SFI1: variants seen among roughly 807,000 people sequenced by gnomAD.
SFI1 encodes protein SFI1 homolog.
Under a neutral mutation model 207.5 loss-of-function variants are expected in SFI1, and 195 were observed. The observed-to-expected ratio is 0.94, with a 90% CI of 0.84 to 1.06. The LOEUF (loss-of-function observed/expected upper bound fraction) is 1.06. Ranked by LOEUF, SFI1 falls within the 50% of genes least tolerant of loss-of-function variation. SFI1 has a pLI of 0.00. For synonymous variants in SFI1, 630 were observed against 598.9 expected (o/e 1.05, Z -0.76); for missense variants, 1,634 against 1,588.0 (o/e 1.03, Z -0.49).
intron 9 of SFI1, 31 bp from the exon 10 acceptor site, chr22:31,575,200 G>T (rs201968050): frequency 1.9e-6 from 3 of 1,580,452 alleles, no homozygotes; most frequent in Admixed American, 3.5e-5. Flanking sequence ...AACCTTAGGG[G>T]AGTAGCACTT....
chr22:31,503,895 T>C (rs1480334875), intron 1 of SFI1, among the ~76,000 whole-genome samples: 2 of 146,802 alleles, frequency 1.4e-5, no homozygotes, highest in African/African-American at 4.8e-5. Context: ...GGCCATGTTT[T>C]GTATTTGATT....
intron 5 of SFI1, among the ~76,000 whole-genome samples, chr22:31,548,890 AT>A (rs2060358559): frequency 1.3e-5 from 2 of 152,032 alleles, no homozygotes; most frequent in Admixed American, 1.3e-4. Flanking sequence ...AGGTCTTAAG[AT>A]GTATAGTGTA....
intron 4 of SFI1, among the ~76,000 whole-genome samples, chr22:31,532,567 G>C (rs1291504670): frequency 1.3e-5 from 2 of 152,070 alleles, no homozygotes; most frequent in African/African-American, 4.8e-5. Flanking sequence ...AATCTTTCCT[G>C]TTTCATTTTT....
chr22:31,545,068 T>TA (rs1175232749), intron 4 of SFI1, among the ~76,000 whole-genome samples: 3 of 151,928 alleles, frequency 2.0e-5, no homozygotes, highest in African/African-American at 4.8e-5. Flanking sequence ...CTTGGCTAAC[T>TA]AAAAAAATTT....
At position 31,614,709 on chromosome 22, in the gene SFI1, A is replaced by G. The variant is rs755467596; in HGVS notation, c.2997-80A>G. ...TCCTGACTTTCAGTCTCCCTATAAA[A>G]TTGGAGATCCCACAGAGATCTCAGA... On this transcript the variant is annotated intron_variant, in intron 27 of 32. Transcript: ENST00000400288. The G allele has an allele frequency of 1.0e-5, 15 of 1,505,724 alleles. No homozygotes were observed. The South Asian group carries it at 1.3e-4, about 13-fold the overall frequency. 93.3% of individuals were successfully genotyped at this position (1,505,724 alleles called of 1,614,324 possible). A position where few individuals can be genotyped will look rare whatever the true frequency, so the allele number is the denominator to read the frequency against.
chr22:31,568,213 TA>T (rs1909485122), intron 8 of SFI1, among the ~76,000 whole-genome samples: 1 of 136,082 alleles, frequency 7.3e-6, no homozygotes, highest in Admixed American at 7.5e-5. Context: ...TGTGTGTGTA[TA>T]TATATATATA....
chr22:31,504,861 A>C (rs1305300210), intron 1 of SFI1, among the ~76,000 whole-genome samples: 1 of 152,170 alleles, frequency 6.6e-6, no homozygotes, highest in Non-Finnish European at 1.5e-5. Flanking sequence ...TAAGAAAGAC[A>C]CAAATCGTGT....
chr22:31,550,179 A>C lies in SFI1; in HGVS notation c.450-75A>C, dbSNP rs925951838. ...CCTTGCCTTGGCCTCCCAAAGTGCT[A>C]GGGTTACAGGTGTGAGCCACCGCGC... is the stretch of plus-strand genomic sequence containing the variant. On this transcript the variant is annotated intron_variant, in intron 5 of 32. Coordinates refer to ENST00000400288, the MANE Select transcript of SFI1 (RefSeq NM_001007467.3). 4 of 1,117,542 alleles carry C rather than the reference A, an allele frequency of 3.6e-6. 1 individual carries two copies. In the East Asian group the frequency reaches 9.6e-5, roughly 27 times the overall value. 69.2% of individuals were successfully genotyped at this position (1,117,542 alleles called of 1,614,324 possible). A position where few individuals can be genotyped will look rare whatever the true frequency, so the allele number is the denominator to read the frequency against.
intron 7 of SFI1, among the ~76,000 whole-genome samples, chr22:31,560,763 G>T (rs949783256): frequency 6.7e-6 from 1 of 148,640 alleles, no homozygotes; most frequent in African/African-American, 2.5e-5. Flanking sequence ...GTGCAGTGGC[G>T]TGATCTCAGC....
chr22:31,551,983 C>G (rs188222863), intron 6 of SFI1, among the ~76,000 whole-genome samples: 3 of 152,258 alleles, frequency 2.0e-5, no homozygotes, highest in Middle Eastern at 3.4e-3. Flanking sequence ...AAATAGTGAA[C>G]GTTGTACATG....
At chr22:31,559,160 T>G (rs2061439049) in intron 7 of SFI1, among the ~76,000 whole-genome samples, 1 of 151,784 alleles carries the variant, frequency 6.6e-6, no homozygotes, top group South Asian at 2.1e-4. Flanking sequence ...CAGGGACTCA[T>G]GCCTGTAATC....
chr22:31,502,349 G>T (rs2053927805), intron 1 of SFI1, among the ~76,000 whole-genome samples: 1 of 151,864 alleles, frequency 6.6e-6, no homozygotes, highest in African/African-American at 2.4e-5. Context: ...CTTAGTTCTA[G>T]ATGAGGCTGG....
intron 2 of SFI1, among the ~76,000 whole-genome samples, chr22:31,524,493 G>C (rs1187892701): frequency 6.6e-6 from 1 of 151,756 alleles, no homozygotes; most frequent in Non-Finnish European, 1.5e-5. Flanking sequence ...TGGGATCTCA[G>C]CTCACTGCAA....
At chr22:31,587,251 C>A in intron 14 of SFI1, 1 of 277,510 alleles carries the variant, frequency 3.6e-6, no homozygotes, top group Non-Finnish European at 8.2e-6. Flanking sequence ...TATGAGTAAT[C>A]TAGAGATGCA....
rs1240746194 is a variant in SFI1 at position 31,593,987 on chromosome 22, C to T, written c.1544+4410C>T. ...GAGGGAGACCATGGGGAGACGGAGA[C>T]GAGGGAGAGGGAGAGGGACAGGGAG... On this transcript the variant is annotated intron_variant, in intron 15 of 32. Coordinates refer to ENST00000400288, the MANE Select transcript of SFI1 (RefSeq NM_001007467.3). Among the ~76,000 whole-genome samples, 35 of 53,252 alleles carry T rather than the reference C, an allele frequency of 6.6e-4. 2 individuals are homozygous for T. Among genetic ancestry groups the T allele is most frequent in the South Asian group, 1.8e-3 (3 of 1,658 alleles). The allele number at this position is 53,252 out of a possible 152,430, so 34.9% of individuals were successfully genotyped here.
chr22:31,600,025 TG>T (rs1321120625), intron 15 of SFI1, among the ~76,000 whole-genome samples: 1 of 151,576 alleles, frequency 6.6e-6, no homozygotes, highest in African/African-American at 2.4e-5. Context: ...CCCCAACCAG[TG>T]GTACTTTTTG....
intron 18 of SFI1, among the ~76,000 whole-genome samples, chr22:31,604,091 T>C (rs2068556409): frequency 6.6e-6 from 1 of 152,216 alleles, no homozygotes; most frequent in Non-Finnish European, 1.5e-5. Flanking sequence ...CTACTGAGTG[T>C]AAAACATGTT....
chr22:31,554,551 G>A (rs201994493), intron 6 of SFI1, among the ~76,000 whole-genome samples: 1 of 148,318 alleles, frequency 6.7e-6, no homozygotes, highest in East Asian at 2.0e-4. Context: ...CTCGTGATCC[G>A]CCCACCTCGG....
intron 1 of SFI1, among the ~76,000 whole-genome samples, chr22:31,506,323 C>T (rs2054630112): frequency 6.6e-6 from 1 of 152,002 alleles, no homozygotes; most frequent in Non-Finnish European, 1.5e-5. Flanking sequence ...GCTGGGATTA[C>T]AGGCGTGAGC....
Sources: gnomAD v4.1 joint callset for allele counts (sites outside exome capture counted in the v4.1 genomes callset) on GRCh38, gnomAD v4.1.1 for gene constraint, MANE v1.5 for transcripts, NCBI Gene and HGNC (gene_info 2026-07-23, HGNC 2026-07-21) for gene names.